The following MEI4 variants were observed in gnomAD, a reference collection of about 807,000 sequenced individuals.
The protein encoded by MEI4 is meiotic double-stranded break formation protein 4, also known as meiosis-specific protein MEI4.
Under a neutral mutation model 31.4 loss-of-function variants are expected in MEI4, and 27 were observed. The observed-to-expected ratio is 0.86, with a 90% CI of 0.63 to 1.19. MEI4 has a LOEUF of 1.19. Ranked by LOEUF, MEI4 falls within the 50% of genes most tolerant of loss-of-function variation. MEI4 has a pLI of 0.00. For missense variants in MEI4, 329 were observed against 398.9 expected (o/e 0.82, Z 1.49); for synonymous variants, 122 against 145.4 (o/e 0.84, Z 1.16).
intron 4 of MEI4, among the ~76,000 whole-genome samples, chr6:77,857,794 T>C (rs1770779310): frequency 6.6e-6 from 1 of 152,220 alleles, no homozygotes; most frequent in Non-Finnish European, 1.5e-5. Flanking sequence ...AATCCAACAG[T>C]TGGTGAATAC....
chr6:77,669,087 G>A (rs538480689), intron 1 of MEI4, among the ~76,000 whole-genome samples: 141 of 152,194 alleles, frequency 9.3e-4, no homozygotes, highest in African/African-American at 3.3e-3. Context: ...TTCATTTTCT[G>A]TTAATACAGA....
chr6:77,670,274 C>T (rs1351929933), intron 1 of MEI4, among the ~76,000 whole-genome samples: 1 of 151,848 alleles, frequency 6.6e-6, no homozygotes, highest in Admixed American at 6.6e-5. Context: ...CTTTTTTCAG[C>T]AGCTCTCTGT....
intron 2 of MEI4, among the ~76,000 whole-genome samples, chr6:77,702,371 A>G (rs10943479): frequency 0.75 from 114,484 of 152,182 alleles, 43,300 homozygotes; most frequent in East Asian, 0.86. Context: ...CTCAGTTCCC[A>G]TATAAGCTTT....
intron 4 of MEI4, among the ~76,000 whole-genome samples, chr6:77,850,170 A>G (rs1178629868): frequency 6.6e-5 from 10 of 152,164 alleles, no homozygotes; most frequent in Non-Finnish European, 1.5e-4. Flanking sequence ...GGTCCTTCAC[A>G]TCCCTTGTAA....
chr6:77,748,765 T>G (rs1767682229), intron 2 of MEI4, among the ~76,000 whole-genome samples: 1 of 152,222 alleles, frequency 6.6e-6, no homozygotes, highest in Non-Finnish European at 1.5e-5. Context: ...CTCTGTCACC[T>G]CTTGAATGCT....
At chr6:77,798,960 C>G (rs957733502) in intron 3 of MEI4, among the ~76,000 whole-genome samples, 27 of 151,924 alleles carry the variant, frequency 1.8e-4, no homozygotes, top group Non-Finnish European at 3.5e-4. Context: ...CATACGTGTG[C>G]ATGTGTCTTT....
At chr6:77,908,131 G>A (rs1354519681) in intron 4 of MEI4, among the ~76,000 whole-genome samples, 4 of 151,578 alleles carry the variant, frequency 2.6e-5, no homozygotes, top group Admixed American at 6.6e-5. Flanking sequence ...TTCTTTTGCT[G>A]TGCAGAAACT....
intron 4 of MEI4, among the ~76,000 whole-genome samples, chr6:77,898,789 G>C (rs1406442837): frequency 6.6e-6 from 1 of 151,774 alleles, no homozygotes; most frequent in African/African-American, 2.4e-5. Flanking sequence ...TTTATCCAAG[G>C]AATGTGACTT....
intron 3 of MEI4, among the ~76,000 whole-genome samples, chr6:77,785,944 A>C (rs1211856154): frequency 6.6e-6 from 1 of 152,124 alleles, no homozygotes; most frequent in Non-Finnish European, 1.5e-5. Flanking sequence ...CTTGGATGGT[A>C]CCTGTCACAT....
chr6:77,758,286 C>A (rs559141496), intron 2 of MEI4, among the ~76,000 whole-genome samples: 1 of 152,028 alleles, frequency 6.6e-6, no homozygotes. Context: ...TAATTATCTC[C>A]TTTTAAGCAT....
chr6:77,790,032 T>C (rs1375478735), intron 3 of MEI4, among the ~76,000 whole-genome samples: 1 of 151,830 alleles, frequency 6.6e-6, no homozygotes, highest in Non-Finnish European at 1.5e-5. Flanking sequence ...TAGACTGGAT[T>C]AAGAAAATGT....
At chr6:77,872,735 C>G (rs1309543379) in intron 4 of MEI4, among the ~76,000 whole-genome samples, 2 of 106,700 alleles carry the variant, frequency 1.9e-5, no homozygotes, top group East Asian at 7.0e-4. Context: ...CCCCCCTCCC[C>G]CCACCCCACA....
intron 1 of MEI4, among the ~76,000 whole-genome samples, chr6:77,683,944 T>C (rs1172453590): frequency 1.3e-5 from 2 of 152,164 alleles, no homozygotes; most frequent in African/African-American, 4.8e-5. Context: ...TTTGAGTTCT[T>C]TGAGAAATCT....
chr6:77,861,297 C>T (rs1454898006), intron 4 of MEI4, among the ~76,000 whole-genome samples: 1 of 152,182 alleles, frequency 6.6e-6, no homozygotes, highest in Non-Finnish European at 1.5e-5. Context: ...ATTACTTTTG[C>T]ACCAACCTAA....
At chr6:77,787,387 C>A (rs1423730445) in intron 3 of MEI4, among the ~76,000 whole-genome samples, 1 of 152,138 alleles carries the variant, frequency 6.6e-6, no homozygotes, top group African/African-American at 2.4e-5. Flanking sequence ...CACTTAGGGA[C>A]TATGCATTAT....
At chr6:77,783,984 G>T (rs112450499) in intron 3 of MEI4, among the ~76,000 whole-genome samples, 123 of 152,196 alleles carry the variant, frequency 8.1e-4, no homozygotes, top group African/African-American at 2.9e-3. Context: ...TGAATTAAGA[G>T]AAATCAAGTT....
chr6:77,784,881 CTTCT>C (rs1468147694), intron 3 of MEI4, among the ~76,000 whole-genome samples: 1 of 152,006 alleles, frequency 6.6e-6, no homozygotes, highest in Non-Finnish European at 1.5e-5. Flanking sequence ...CGTATTAATC[CTTCT>C]ATTTCTCATT....
At chr6:77,916,259 T>C (rs1345194552) in intron 4 of MEI4, among the ~76,000 whole-genome samples, 1 of 152,098 alleles carries the variant, frequency 6.6e-6, no homozygotes, top group Non-Finnish European at 1.5e-5. Context: ...TTTCATAAAT[T>C]TATTTTCCAT....
In MEI4 at chr6:77,923,298, AGT is replaced by A; in HGVS notation, c.1112_1113del (p.Val371GlyfsTer13). ...FPLFTFYLWR[V>X]GILLSSAQIE... The stretch of plus-strand genomic sequence containing the variant: ...CTTTGTTTACTTTTTATTTATGGAG[AGT>A]GGGCATTCTTTTGAGCTCAGCACAG... On this transcript the variant is annotated frameshift_variant, in exon 5 of 5. Transcript: ENST00000684080. LOFTEE classifies it high-confidence loss of function. 8.1e-7 allele frequency: 1 copy of A among 1,230,110 alleles called. No individual in the cohort carries two copies. Among genetic ancestry groups the A allele is most frequent in the Non-Finnish European group, 1.0e-6 (1 of 986,594 alleles). 76.2% of individuals were successfully genotyped at this position (1,230,110 alleles called of 1,614,324 possible).
Sources: allele counts gnomAD v4.1 joint callset (sites outside exome capture counted in the v4.1 genomes callset), GRCh38; gene constraint gnomAD v4.1.1; transcripts MANE v1.5; gene names NCBI Gene and HGNC (gene_info 2026-07-23, HGNC 2026-07-21).